The following NCAM1 variants were observed in gnomAD, a reference collection of about 807,000 sequenced individuals.
NCAM1 encodes the protein antigen recognized by monoclonal antibody 5.1H11.
In NCAM1, 14 loss-of-function variants were observed where a neutral mutation model predicts 109.8. The ratio of observed to expected loss-of-function variants is 0.13; its 90% confidence interval spans 0.08 to 0.20. The LOEUF (loss-of-function observed/expected upper bound fraction) is 0.20, where lower values mean the gene tolerates loss of function less well. Among genes scored for constraint, NCAM1 ranks in the 10% least tolerant of loss-of-function variants. The pLI, the probability that NCAM1 is intolerant of heterozygous loss-of-function variation, is 1.00. For missense variants in NCAM1, 774 were observed against 1,109.9 expected, an observed-to-expected ratio of 0.70 and a Z score of 4.30; for synonymous variants, 418 against 442.9, an observed-to-expected ratio of 0.94 and a Z score of 0.70.
At chr11:112,980,593 T>G (rs1442815873) in intron 1 of NCAM1, among the ~76,000 whole-genome samples, 1 of 151,802 alleles carries the variant, frequency 6.6e-6, no homozygotes, top group African/African-American at 2.4e-5. Flanking sequence ...TTGTTTGTTT[T>G]TTTGTAACCA....
intron 17 of NCAM1, chr11:113,263,245 G>C (rs1946058039): frequency 1.9e-6 from 2 of 1,050,228 alleles, no homozygotes; most frequent in South Asian, 7.4e-5. Context: ...TCTGCTACTT[G>C]TTGCATTTTG....
At chr11:113,158,203 G>A (rs782337946) in intron 1 of NCAM1, among the ~76,000 whole-genome samples, 1 of 152,134 alleles carries the variant, frequency 6.6e-6, no homozygotes, top group Non-Finnish European at 1.5e-5. Flanking sequence ...TTTCCAAAAA[G>A]CAATTCTTCA....
intron 1 of NCAM1, among the ~76,000 whole-genome samples, chr11:113,115,003 A>G (rs1591338112): frequency 6.6e-6 from 1 of 152,230 alleles, no homozygotes; most frequent in Non-Finnish European, 1.5e-5. Context: ...TCAAAAATTC[A>G]GAAAAGACCG....
intron 1 of NCAM1, among the ~76,000 whole-genome samples, chr11:113,039,376 T>C (rs1174024835): frequency 2.6e-5 from 4 of 152,200 alleles, no homozygotes; most frequent in East Asian, 1.9e-4. Flanking sequence ...AAGGATGTAA[T>C]TGGTCTTCAC....
In NCAM1 at chr11:113,099,194, G is replaced by A. The variant is rs145138511; in HGVS notation, c.53-103185G>A. Among the ~76,000 whole-genome samples the A allele has an allele frequency of 4.2e-3, 645 of 152,294 alleles. 2 individuals carry two copies. Among genetic ancestry groups the A allele is most frequent in the Non-Finnish European group, 7.5e-3 (511 of 68,032 alleles). On this transcript the variant is annotated intron_variant, in intron 1 of 19. Coordinates refer to ENST00000316851, the MANE Select transcript of NCAM1 (RefSeq NM_181351.5). ...TGGAGATTAGAGGCAAACCTAAGTA[G>A]TTTGGTTGAGGAGTCCATGATTTTA...
intron 1 of NCAM1, among the ~76,000 whole-genome samples, chr11:113,026,748 G>A (rs899077894): frequency 4.6e-5 from 7 of 152,126 alleles, no homozygotes; most frequent in African/African-American, 7.2e-5. Context: ...TAGTAGTAAC[G>A]ATGATAGCTG....
At position 113,132,604 on chromosome 11, in the gene NCAM1, A is replaced by ATGTGTG. The variant is rs71060290; in HGVS notation, c.53-69733_53-69728dup. On this transcript the variant is annotated intron_variant, in intron 1 of 19. Coordinates refer to ENST00000316851, the MANE Select transcript of NCAM1 (RefSeq NM_181351.5). ...TGGGATCAGGCATATATTAGGAAGC[A>ATGTGTG]TGTGTGTGTGTGTGTGTGTGTGTGT... 7.8e-3 allele frequency among the ~76,000 whole-genome samples: 1,018 copies of ATGTGTG among 130,388 alleles called. 17 individuals are homozygous for ATGTGTG. Among genetic ancestry groups the ATGTGTG allele is most frequent in the African/African-American group, 0.013 (408 of 32,130 alleles). The allele number at this position is 130,388 out of a possible 152,430, so 85.5% of individuals were successfully genotyped here. A position where few individuals can be genotyped will look rare whatever the true frequency, so the allele number is the denominator to read the frequency against.
At position 113,241,793 on chromosome 11, in the gene NCAM1, C is replaced by A. The variant is rs569401545; in HGVS notation, c.1826-4575C>A. 2.0e-5 allele frequency among the ~76,000 whole-genome samples: 3 copies of A among 152,326 alleles called. No individual in the cohort carries two copies. In the South Asian group the frequency reaches 6.2e-4, roughly 32 times the overall value. On this transcript the variant is annotated intron_variant, in intron 14 of 19. Coordinates refer to ENST00000316851, the MANE Select transcript of NCAM1 (RefSeq NM_181351.5). Reference sequence around the variant, plus strand: ...GCCAGCATCTGCCCAGAGTGGCAGACAGCAGCAAATGGGCAGGCAGGGTGG... The same window carrying A: ...GCCAGCATCTGCCCAGAGTGGCAGAAAGCAGCAAATGGGCAGGCAGGGTGG...
At chr11:113,025,871 C>T (rs1565390425) in intron 1 of NCAM1, among the ~76,000 whole-genome samples, 2 of 146,906 alleles carry the variant, frequency 1.4e-5, no homozygotes, top group Non-Finnish European at 3.0e-5. Flanking sequence ...GAAAAATCAG[C>T]GTGGGTTGGC....
At chr11:113,221,973 A>G (rs781857948) in intron 9 of NCAM1, 1 of 152,276 alleles carries the variant, frequency 6.6e-6, no homozygotes, top group Non-Finnish European at 1.5e-5. Flanking sequence ...TCTCTGACTC[A>G]TTGCTTCAGT....
At chr11:113,017,233 G>C (rs1952229691) in intron 1 of NCAM1, among the ~76,000 whole-genome samples, 1 of 152,176 alleles carries the variant, frequency 6.6e-6, no homozygotes, top group Non-Finnish European at 1.5e-5. Flanking sequence ...TGGTCCCTTG[G>C]AGCTGGAAGA....
intron 9 of NCAM1, among the ~76,000 whole-genome samples, chr11:113,226,710 C>G (rs1457007021): frequency 6.6e-6 from 1 of 152,172 alleles, no homozygotes; most frequent in Non-Finnish European, 1.5e-5. Flanking sequence ...TGTAAAAGAA[C>G]AGAAATGATA....
chr11:113,013,448 A>C (rs1952125503), intron 1 of NCAM1, among the ~76,000 whole-genome samples: 1 of 144,390 alleles, frequency 6.9e-6, no homozygotes, highest in African/African-American at 2.5e-5. Flanking sequence ...AAAAAAAAAG[A>C]AGCGAAAGAA....
chr11:113,265,678 G>A (rs186424229), intron 17 of NCAM1, among the ~76,000 whole-genome samples: 1 of 152,242 alleles, frequency 6.6e-6, no homozygotes, highest in Non-Finnish European at 1.5e-5. Flanking sequence ...CATCTGTTTA[G>A]CTGATTCGAA....
At chr11:113,126,857 A>G (rs1364103759) in intron 1 of NCAM1, among the ~76,000 whole-genome samples, 1 of 152,234 alleles carries the variant, frequency 6.6e-6, no homozygotes, top group Non-Finnish European at 1.5e-5. Context: ...TAGAACTGCC[A>G]TAGTGCCCAT....
intron 1 of NCAM1, among the ~76,000 whole-genome samples, chr11:113,143,816 C>G (rs1941918601): frequency 6.6e-6 from 1 of 152,056 alleles, no homozygotes; most frequent in South Asian, 2.1e-4. Context: ...AGGGCCTGTC[C>G]CTTGCTGTGT....
chr11:112,961,888 C>A (rs1950573887), intron 1 of NCAM1, among the ~76,000 whole-genome samples: 1 of 152,132 alleles, frequency 6.6e-6, no homozygotes, highest in African/African-American at 2.4e-5. Flanking sequence ...CAGCGCCCGG[C>A]GCCCCTCCGG....
At chr11:113,072,865 C>A (rs1938349985) in intron 1 of NCAM1, among the ~76,000 whole-genome samples, 1 of 148,152 alleles carries the variant, frequency 6.7e-6, no homozygotes, top group Non-Finnish European at 1.5e-5. Context: ...CTACACATAA[C>A]AAAATTTATC....
chr11:113,065,489 C>A (rs782708358), intron 1 of NCAM1, among the ~76,000 whole-genome samples: 18 of 152,088 alleles, frequency 1.2e-4, no homozygotes, highest in Non-Finnish European at 2.4e-4. Flanking sequence ...TGACCAAGGG[C>A]AATTTCAGTA....
Sources: gnomAD v4.1 joint callset for allele counts (sites outside exome capture counted in the v4.1 genomes callset) on GRCh38, gnomAD v4.1.1 for gene constraint, MANE v1.5 for transcripts, NCBI Gene and HGNC (gene_info 2026-07-23, HGNC 2026-07-21) for gene names.